PUM1: variants seen among roughly 807,000 people sequenced by gnomAD.
PUM1 encodes the protein pumilio homolog 1.
PUM1 carries 13 observed loss-of-function variants against 131.8 expected under a neutral mutation model. That is an observed-to-expected ratio of 0.10 (90% CI 0.06 to 0.16). The LOEUF is 0.16. Among genes scored for constraint, PUM1 ranks in the 10% least tolerant of loss-of-function variants. The probability of loss-of-function intolerance (pLI) is 1.00; values close to 1 mark genes in which losing one functional copy is unlikely to be tolerated. For missense variants in PUM1, 961 were observed against 1,512.4 expected, an observed-to-expected ratio of 0.64 and a Z score of 6.05; for synonymous variants, 509 against 556.5, an observed-to-expected ratio of 0.91 and a Z score of 1.20.
chr1:31,047,117 A>C (rs1570348808), intron 2 of PUM1, among the ~76,000 whole-genome samples: 1 of 152,080 alleles, frequency 6.6e-6, no homozygotes, highest in African/African-American at 2.4e-5. Flanking sequence ...TGAACCCGGG[A>C]GGTGGAAGCT....
At chr1:30,952,681 GGC>G (rs2124414437) in intron 15 of PUM1, among the ~76,000 whole-genome samples, 1 of 29,256 alleles carries the variant, frequency 3.4e-5, no homozygotes, top group South Asian at 3.1e-3. Flanking sequence ...AAGCGGGGGG[GGC>G]GGGGGGGGGG....
chr1:30,972,234 G>A (rs1488812516), intron 10 of PUM1, among the ~76,000 whole-genome samples: 1 of 119,380 alleles, frequency 8.4e-6, no homozygotes, highest in Non-Finnish European at 1.8e-5. Context: ...CAGGCTGGAA[G>A]ACAGAGCAAG....
rs1055788262 is a variant in PUM1, at chr1:30,937,942, T to C, written c.3243-1107A>G. Among the ~76,000 whole-genome samples the C allele has an allele frequency of 2.4e-4, 37 of 152,052 alleles. 1 individual carries two copies. The highest frequency in any genetic ancestry group is 8.2e-4 in the African/African-American group (34 of 41,412). On this transcript the variant is annotated intron_variant, in intron 20 of 21. Coordinates refer to ENST00000426105, the MANE Select transcript of PUM1 (RefSeq NM_001020658.2). ...GTCCGCCATGACACCGGGCTAATTT[T>C]TGTATTTTTAGTAGAGACGGGGTTT...
intron 3 of PUM1, among the ~76,000 whole-genome samples, chr1:31,027,053 T>C (rs1005908100): frequency 3.3e-5 from 5 of 152,164 alleles, no homozygotes; most frequent in African/African-American, 1.2e-4. Flanking sequence ...CTGAAATTGT[T>C]TGCTATTCAA....
At chr1:31,008,154 G>GT (rs1278114698) in intron 3 of PUM1, among the ~76,000 whole-genome samples, 1 of 152,100 alleles carries the variant, frequency 6.6e-6, no homozygotes, top group Non-Finnish European at 1.5e-5. Flanking sequence ...GACGATAAAG[G>GT]TTTAACTTTC....
At chr1:31,023,200 G>GA (rs1258902138) in intron 3 of PUM1, among the ~76,000 whole-genome samples, 1 of 151,506 alleles carries the variant, frequency 6.6e-6, no homozygotes, top group Non-Finnish European at 1.5e-5. Flanking sequence ...ACATTTTGAG[G>GA]AAAAAGGGGA....
intron 2 of PUM1, among the ~76,000 whole-genome samples, chr1:31,049,430 T>A (rs781169164): frequency 2.0e-5 from 3 of 150,562 alleles, no homozygotes; most frequent in African/African-American, 7.3e-5. Flanking sequence ...GCACAAGAAG[T>A]GCTTGAACCC....
intron 6 of PUM1, among the ~76,000 whole-genome samples, chr1:30,993,806 C>A: frequency 6.6e-6 from 1 of 152,184 alleles, no homozygotes; most frequent in Non-Finnish European, 1.5e-5. Context: ...CATGGTGGCT[C>A]ATGCCTGTAA....
In PUM1 at chr1:30,933,184, A is replaced by G; in HGVS notation, c.*27T>C. On this transcript the variant is annotated 3_prime_UTR_variant, in exon 22 of 22. Transcript: ENST00000426105. ...CCAGTGGGCCAGTGAGGTCAGCGGG[A>G]ATGAGGGAACAGCGGGTGACACTGC... is the stretch of plus-strand genomic sequence containing the variant. 2 of 1,597,892 alleles carry G rather than the reference A, an allele frequency of 1.3e-6. No individual in the cohort carries two copies. The highest frequency in any genetic ancestry group is 1.7e-6 in the Non-Finnish European group (2 of 1,171,422).
intron 13 of PUM1, among the ~76,000 whole-genome samples, 195 bp downstream of exon 13, chr1:30,965,787 G>A (rs1186002699): frequency 6.6e-6 from 1 of 152,154 alleles, no homozygotes; most frequent in African/African-American, 2.4e-5. Context: ...GTAGCCACAT[G>A]AGCATGGATT....
intron 2 of PUM1, among the ~76,000 whole-genome samples, chr1:31,056,778 C>G (rs1570369290): frequency 6.6e-6 from 1 of 151,630 alleles, no homozygotes. Context: ...AGGCATGTGC[C>G]CCCACGCCCA....
At chr1:30,978,561 A>C (rs948499990) in intron 9 of PUM1, among the ~76,000 whole-genome samples, 16 of 152,384 alleles carry the variant, frequency 1.0e-4, no homozygotes, top group African/African-American at 3.8e-4. Flanking sequence ...TTAAGTTCAT[A>C]ATTGCAAATT....
chr1:30,939,510 G>A (rs1473794510), intron 20 of PUM1, among the ~76,000 whole-genome samples: 1 of 152,214 alleles, frequency 6.6e-6, no homozygotes. Context: ...AGTGACCACA[G>A]GCTAACAGCC....
intron 5 of PUM1, among the ~76,000 whole-genome samples, chr1:31,000,195 C>CT (rs1315126752): frequency 7.2e-5 from 11 of 152,140 alleles, no homozygotes; most frequent in Admixed American, 5.2e-4. Flanking sequence ...TTGTGATTTG[C>CT]TTTTTTGTTA....
chr1:30,935,449 C>T (rs1358283305), intron 21 of PUM1, among the ~76,000 whole-genome samples: 1 of 152,156 alleles, frequency 6.6e-6, no homozygotes, highest in Non-Finnish European at 1.5e-5. Flanking sequence ...TCACGTTTAC[C>T]AATACAACCC....
At position 30,932,746 on chromosome 1, in the gene PUM1, G is replaced by A. The variant is rs1639012606; in HGVS notation, c.*465C>T. On this transcript the variant is annotated 3_prime_UTR_variant, in exon 22 of 22. Coordinates refer to ENST00000426105, the MANE Select transcript of PUM1 (RefSeq NM_001020658.2). ...TTCTCAGGTTTTTTTGTTTTTGTTT[G>A]TTTTTTACTAAAATGAGGAGGTGGG... The A allele has an allele frequency of 6.7e-6, 1 of 148,832 alleles. No homozygotes were observed. The highest frequency in any genetic ancestry group is 1.5e-5 in the Non-Finnish European group (1 of 67,232). The allele number at this position is 148,832 out of a possible 1,614,324, so 9.2% of individuals were successfully genotyped here.
chr1:30,976,963 T>C (rs186678663), intron 9 of PUM1, among the ~76,000 whole-genome samples: 3 of 152,286 alleles, frequency 2.0e-5, no homozygotes, highest in Admixed American at 6.5e-5. Context: ...GTGCCTTAGT[T>C]TCCTCACCTG....
chr1:30,960,881 A>G (rs1640375789), intron 14 of PUM1, among the ~76,000 whole-genome samples: 1 of 152,140 alleles, frequency 6.6e-6, no homozygotes, highest in Non-Finnish European at 1.5e-5. Context: ...CAAGAGTTTG[A>G]GTTAGGCAAA....
rs769516308 is a variant in PUM1 at position 31,028,806 on chromosome 1, G to A, written c.422C>T (p.Ala141Val). Residue 141 changes from alanine to valine, a missense_variant, in exon 3 of 22, where the codon GCG (alanine) becomes GTG (valine). Ala to Val is a moderately conservative substitution (Grantham distance 64). Transcript: ENST00000426105. Reference sequence around the variant, plus strand: ...CACCAGTTCACTTACCTCTCCCATCGCTCTTCCCTCCAGAGCAAGTGCTTG... The same window carrying A: ...CACCAGTTCACTTACCTCTCCCATCACTCTTCCCTCCAGAGCAAGTGCTTG... ...DFQALALEGR[A>V]MGEQLLPGKK... The A allele has an allele frequency of 1.9e-6, 3 of 1,613,384 alleles. No individual in the cohort carries two copies. The highest frequency in any genetic ancestry group is 1.1e-5 in the South Asian group (1 of 91,058).
Sources: allele counts gnomAD v4.1 joint callset (sites outside exome capture counted in the v4.1 genomes callset), GRCh38; gene constraint gnomAD v4.1.1; transcripts MANE v1.5; gene names NCBI Gene and HGNC (gene_info 2026-07-23, HGNC 2026-07-21).